Variants in SFI1 observed in about 807,000 individuals in gnomAD.
The protein encoded by SFI1 is SFI1 centrin binding protein.
In SFI1, 195 loss-of-function variants were observed where a neutral mutation model predicts 207.5. The observed-to-expected ratio is 0.94, with a 90% CI of 0.84 to 1.06. SFI1 has a LOEUF of 1.06. Among genes scored for constraint, SFI1 ranks in the 50% least tolerant of loss-of-function variants. The pLI, the probability that SFI1 is intolerant of heterozygous loss-of-function variation, is 0.00. For missense variants in SFI1, 1,634 were observed against 1,588.0 expected, an observed-to-expected ratio of 1.03 and a Z score of -0.49; for synonymous variants, 630 against 598.9, an observed-to-expected ratio of 1.05 and a Z score of -0.76.
chr22:31,553,379 A>G (rs1234389657), intron 6 of SFI1, among the ~76,000 whole-genome samples: 3 of 151,232 alleles, frequency 2.0e-5, no homozygotes, highest in African/African-American at 7.3e-5. Context: ...TTTTTTTGAC[A>G]CGGAATCTCA....
Position 31,604,344 on chromosome 22 carries a change from G to A in SFI1, c.1917G>A (p.Leu639=). ...TGCGGGGAGCGGAGCGGCAGAAGCT[G>A]ATGCGAGCAGACCTGCACCACCAGC... ...LALRGAERQK[L]MRADLHHQHS... The change falls in exon 19 of 33, where the codon CTG becomes CTA. Residue 639 remains leucine, a synonymous_variant. Transcript: ENST00000400288. 6.3e-7 allele frequency: 1 copy of A among 1,580,366 alleles called. No homozygotes were observed. Among genetic ancestry groups the A allele is most frequent in the Non-Finnish European group, 8.6e-7 (1 of 1,165,350 alleles).
At chr22:31,549,207 A>G (rs2060387997) in intron 5 of SFI1, among the ~76,000 whole-genome samples, 1 of 144,498 alleles carries the variant, frequency 6.9e-6, no homozygotes, top group Non-Finnish European at 1.5e-5. Flanking sequence ...GGAGTACCTG[A>G]GCCCAGGGAG....
At chr22:31,524,606 G>A (rs888483200) in intron 2 of SFI1, among the ~76,000 whole-genome samples, 1 of 151,816 alleles carries the variant, frequency 6.6e-6, no homozygotes, top group Non-Finnish European at 1.5e-5. Context: ...GTAGAGACAG[G>A]ATTTTGCCGT....
rs2063651130 is a variant in SFI1 at position 31,577,486 on chromosome 22, C to A, written c.1085-896C>A. Among the ~76,000 whole-genome samples, 6 of 152,302 alleles carry A rather than the reference C, an allele frequency of 3.9e-5. No homozygotes were observed. In the South Asian group the frequency reaches 1.2e-3, roughly 32 times the overall value. ...TCACAGGCGCAATGGTAGCTCACTACAGTCTTGAACTCCTGGGCTTAAGCA... is the reference window on the plus strand; with the variant it reads ...TCACAGGCGCAATGGTAGCTCACTAAAGTCTTGAACTCCTGGGCTTAAGCA... On this transcript the variant is annotated intron_variant, in intron 10 of 32. Transcript: ENST00000400288.
chr22:31,605,664 A>G (rs757888063), intron 20 of SFI1: 1 of 152,418 alleles, frequency 6.6e-6, no homozygotes, highest in Non-Finnish European at 1.5e-5. Context: ...CCTGGGCAAC[A>G]TAGCGAGACC....
At chr22:31,538,035 G>C (rs952585405) in intron 4 of SFI1, among the ~76,000 whole-genome samples, 1 of 152,138 alleles carries the variant, frequency 6.6e-6, no homozygotes, top group Non-Finnish European at 1.5e-5. Flanking sequence ...GCAGTGACGC[G>C]ATCTTGGCTC....
In SFI1 at chr22:31,606,693, C is replaced by CTTTTTTTTT. The variant is rs10524692; in HGVS notation, c.2157+278_2157+286dup. ...ATCAGAACCAGTATTTTCTTTTTTTCTTTTTTTTTTTTTTTTTTTTTTTGA... is the reference window on the plus strand; with the variant it reads ...ATCAGAACCAGTATTTTCTTTTTTTCTTTTTTTTTTTTTTTTTTTTTTTTTTTTTTTTGA... On this transcript the variant is annotated intron_variant, in intron 21 of 32. Transcript: ENST00000400288. The CTTTTTTTTT allele has an allele frequency of 3.1e-3, 354 of 115,516 alleles. 1 individual carries two copies. The highest frequency in any genetic ancestry group is 6.0e-3 in the East Asian group (24 of 4,026). 7.2% of individuals were successfully genotyped at this position (115,516 alleles called of 1,614,324 possible). A position where few individuals can be genotyped will look rare whatever the true frequency, so the allele number is the denominator to read the frequency against.
Position 31,618,319 on chromosome 22 carries a change from A to C in SFI1, c.3630A>C (p.Glu1210Asp). 6.2e-7 allele frequency: 1 copy of C among 1,608,964 alleles called. No homozygotes were observed. Among genetic ancestry groups the C allele is most frequent in the Non-Finnish European group, 8.5e-7 (1 of 1,176,566 alleles). Residue 1210 changes from glutamate to aspartate, a missense_variant, in exon 33 of 33, where the codon GAA (glutamate) becomes GAC (aspartate). Glu to Asp is a conservative substitution (Grantham distance 45). Transcript: ENST00000400288. The part of the protein sequence containing the change: ...QQVQKELEQV[E>D]MQIQLLAEEL... ...CTGTCCCTCCATGGCCCCAGGTGGA[A>C]ATGCAGATCCAGCTGCTGGCAGAGG... is the stretch of plus-strand genomic sequence containing the variant.
At chr22:31,572,861 T>C in intron 8 of SFI1, 197 bp from the exon 9 acceptor site, 1 of 462,432 alleles carries the variant, frequency 2.2e-6, no homozygotes, top group Non-Finnish European at 3.8e-6. Flanking sequence ...AAAATTACTT[T>C]TGAAAGCAGA....
At chr22:31,563,686 A>G (rs899362876) in intron 8 of SFI1, among the ~76,000 whole-genome samples, 10 of 151,582 alleles carry the variant, frequency 6.6e-5, no homozygotes, top group African/African-American at 2.4e-4. Flanking sequence ...CCCGGGTTCA[A>G]GCGATTCTCC....
At chr22:31,600,760 C>T (rs184754408) in intron 15 of SFI1, among the ~76,000 whole-genome samples, 23 of 152,328 alleles carry the variant, frequency 1.5e-4, no homozygotes, top group Admixed American at 1.4e-3. Context: ...GGGCTCACCT[C>T]GCCCGTGTCC....
intron 1 of SFI1, chr22:31,497,290 C>T (rs2052850220): frequency 6.6e-6 from 1 of 152,220 alleles, no homozygotes; most frequent in South Asian, 2.1e-4. Context: ...GCAAGCAGCC[C>T]TGCACCGAGC....
chr22:31,522,179 C>T (rs911611346), intron 2 of SFI1, among the ~76,000 whole-genome samples: 10 of 151,350 alleles, frequency 6.6e-5, no homozygotes, highest in South Asian at 2.1e-4. Flanking sequence ...GCTGTTCTCC[C>T]GCCTCAGCCT....
intron 9 of SFI1, among the ~76,000 whole-genome samples, chr22:31,573,692 C>A (rs2063186812): frequency 6.6e-6 from 1 of 152,226 alleles, no homozygotes; most frequent in African/African-American, 2.4e-5. Flanking sequence ...CCTGCCTCAG[C>A]CTCCCAAAGT....
At chr22:31,520,839 TAA>T (rs779343072) in intron 2 of SFI1, among the ~76,000 whole-genome samples, 32 of 121,744 alleles carry the variant, frequency 2.6e-4, no homozygotes, top group Admixed American at 5.8e-4. Flanking sequence ...CTACAAAAAG[TAA>T]AAAAAAAAAA....
rs1243474860 is a variant in SFI1 at position 31,546,841 on chromosome 22, T to C, written c.339-20T>C. 5 of 1,444,660 alleles carry C rather than the reference T, an allele frequency of 3.5e-6. No homozygotes were observed. The highest frequency in any genetic ancestry group is 4.8e-6 in the Non-Finnish European group (5 of 1,041,048). 89.5% of individuals were successfully genotyped at this position (1,444,660 alleles called of 1,614,324 possible). On this transcript the variant is annotated intron_variant, in intron 4 of 32. Transcript: ENST00000400288. ...GCTCCAACATCATCATATATATATA[T>C]GATTTTTTTTTTGCCGTAGATTTTA...
chr22:31,616,596 C>T (rs895652149), intron 29 of SFI1, 149 bp from the exon 30 acceptor site: 28 of 795,512 alleles, frequency 3.5e-5, no homozygotes, highest in Admixed American at 3.0e-4. Flanking sequence ...TGAGCTGGCA[C>T]GGCCAGTGCC....
chr22:31,522,555 G>C (rs1281263747), intron 2 of SFI1, among the ~76,000 whole-genome samples: 2 of 151,984 alleles, frequency 1.3e-5, no homozygotes, highest in African/African-American at 4.8e-5. Context: ...GAATTTGCTT[G>C]TTCTAGGTAC....
chr22:31,549,458 C>T lies in SFI1; in HGVS notation c.450-796C>T, dbSNP rs1202998390. On this transcript the variant is annotated intron_variant, in intron 5 of 32. Coordinates refer to ENST00000400288, the MANE Select transcript of SFI1 (RefSeq NM_001007467.3). ...TGCCTCCCAGGTTCAAGCCATTCTC[C>T]TGCCTCAGCCTCCCTCCTGCCTCAG... Among the ~76,000 whole-genome samples the T allele has an allele frequency of 3.3e-5, 5 of 150,476 alleles. No homozygotes were observed. In the East Asian group the frequency reaches 9.7e-4, roughly 29 times the overall value.
Sources: allele counts gnomAD v4.1 joint callset (sites outside exome capture counted in the v4.1 genomes callset), GRCh38; gene constraint gnomAD v4.1.1; transcripts MANE v1.5; gene names NCBI Gene and HGNC (gene_info 2026-07-23, HGNC 2026-07-21).